The following B3GALT1 variants were observed in gnomAD, a reference collection of about 807,000 sequenced individuals.
B3GALT1 encodes the protein UDP-Gal:betaGlcNAc beta 1,3-galactosyltransferase, polypeptide 1.
Under a neutral mutation model 23.2 loss-of-function variants are expected in B3GALT1, and 10 were observed. The observed-to-expected ratio is 0.43, with a 90% CI of 0.27 to 0.73. The LOEUF (loss-of-function observed/expected upper bound fraction) is 0.73. Among genes scored for constraint, B3GALT1 ranks in the 30% least tolerant of loss-of-function variants. The pLI is 0.21. For missense variants in B3GALT1, 299 were observed against 405.4 expected (o/e 0.74, Z 2.25); for synonymous variants, 156 against 141.5 (o/e 1.10, Z -0.73).
At chr2:167,732,220 A>C (rs139101838) in intron 3 of B3GALT1, among the ~76,000 whole-genome samples, 1 of 152,352 alleles carries the variant, frequency 6.6e-6, no homozygotes, top group African/African-American at 2.4e-5. Context: ...CAAAATTAGA[A>C]TACATTAAGA....
intron 4 of B3GALT1, among the ~76,000 whole-genome samples, chr2:167,841,223 GAAAA>G (rs902997742): frequency 5.1e-5 from 6 of 118,568 alleles, no homozygotes; most frequent in African/African-American, 1.5e-4. Flanking sequence ...TCACCACAAA[GAAAA>G]AAAAAAAAAA....
intron 3 of B3GALT1, among the ~76,000 whole-genome samples, chr2:167,736,596 C>T (rs1687495637): frequency 6.6e-6 from 1 of 152,124 alleles, no homozygotes; most frequent in Non-Finnish European, 1.5e-5. Context: ...GATGTTAGGA[C>T]TCCCAGTAGA....
At chr2:167,763,069 C>T (rs1340165560) in intron 3 of B3GALT1, among the ~76,000 whole-genome samples, 1 of 152,128 alleles carries the variant, frequency 6.6e-6, no homozygotes, top group Non-Finnish European at 1.5e-5. Flanking sequence ...TTAATAAATA[C>T]TCCGTAAGTG....
intron 2 of B3GALT1, among the ~76,000 whole-genome samples, chr2:167,591,461 T>C (rs1433276125): frequency 6.6e-6 from 1 of 151,912 alleles, no homozygotes; most frequent in Non-Finnish European, 1.5e-5. Context: ...TTTACTTTAA[T>C]TAATTTATTT....
At chr2:167,818,421 C>T (rs951028567) in intron 3 of B3GALT1, among the ~76,000 whole-genome samples, 2 of 152,164 alleles carry the variant, frequency 1.3e-5, no homozygotes, top group Non-Finnish European at 2.9e-5. Flanking sequence ...CTCATTGATA[C>T]CACCTGCATG....
At chr2:167,668,682 C>T (rs1686261000) in intron 3 of B3GALT1, among the ~76,000 whole-genome samples, 1 of 152,092 alleles carries the variant, frequency 6.6e-6, no homozygotes, top group African/African-American at 2.4e-5. Context: ...ATCGGAAAAG[C>T]AGTCTTCGGG....
At chr2:167,574,648 A>G (rs1330751172) in intron 2 of B3GALT1, among the ~76,000 whole-genome samples, 1 of 151,696 alleles carries the variant, frequency 6.6e-6, no homozygotes, top group Non-Finnish European at 1.5e-5. Flanking sequence ...CTCAAATTAT[A>G]CCATGTTTGA....
intron 2 of B3GALT1, among the ~76,000 whole-genome samples, chr2:167,520,011 C>T (rs1255187712): frequency 6.7e-6 from 1 of 150,326 alleles, no homozygotes; most frequent in Admixed American, 6.7e-5. Context: ...TGCCACTGCA[C>T]TGCAGCCTAG....
At chr2:167,835,718 G>GCAGA (rs1689450390) in intron 4 of B3GALT1, among the ~76,000 whole-genome samples, 1 of 152,238 alleles carries the variant, frequency 6.6e-6, no homozygotes, top group African/African-American at 2.4e-5. Context: ...CTGAGAACGG[G>GCAGA]CAGACTGCCT....
intron 1 of B3GALT1, among the ~76,000 whole-genome samples, chr2:167,328,852 A>C (rs1370246888): frequency 2.6e-5 from 4 of 151,888 alleles, no homozygotes; most frequent in Non-Finnish European, 5.9e-5. Flanking sequence ...CTCACTTGTC[A>C]CCCAGGCTGA....
intron 2 of B3GALT1, among the ~76,000 whole-genome samples, chr2:167,528,906 T>A (rs979590234): frequency 6.6e-6 from 1 of 152,154 alleles, no homozygotes. Flanking sequence ...GCTTCTGGCT[T>A]CTCTGCTCCC....
At chr2:167,379,478 T>C (rs1432538717) in intron 1 of B3GALT1, among the ~76,000 whole-genome samples, 2 of 152,128 alleles carry the variant, frequency 1.3e-5, no homozygotes, top group Non-Finnish European at 2.9e-5. Context: ...GAGATTGCTG[T>C]GTAGGGTTTT....
At chr2:167,459,768 G>A (rs1001021864) in intron 1 of B3GALT1, among the ~76,000 whole-genome samples, 10 of 152,210 alleles carry the variant, frequency 6.6e-5, no homozygotes, top group Non-Finnish European at 1.2e-4. Context: ...TCCCTTGAAC[G>A]TTTCTTGCAG....
intron 3 of B3GALT1, among the ~76,000 whole-genome samples, chr2:167,698,678 A>T (rs1329095731): frequency 6.6e-6 from 1 of 152,248 alleles, no homozygotes; most frequent in Non-Finnish European, 1.5e-5. Flanking sequence ...CAAGACTTTG[A>T]CAAGTTTGTT....
At chr2:167,335,928 T>C (rs1697052226) in intron 1 of B3GALT1, among the ~76,000 whole-genome samples, 1 of 152,256 alleles carries the variant, frequency 6.6e-6, no homozygotes, top group East Asian at 1.9e-4. Context: ...GGAATTCCTC[T>C]GGTTCAGATG....
chr2:167,420,186 A>T (rs967738284), intron 1 of B3GALT1, among the ~76,000 whole-genome samples: 1 of 152,198 alleles, frequency 6.6e-6, no homozygotes, highest in Non-Finnish European at 1.5e-5. Flanking sequence ...ACTTCTGTGC[A>T]TTGGCATCAG....
chr2:167,454,196 A>AGTGTGTGTGTGTGTGTGTGTGTGT (rs35747652), intron 1 of B3GALT1, among the ~76,000 whole-genome samples: 3 of 152,056 alleles, frequency 2.0e-5, no homozygotes, highest in African/African-American at 7.2e-5. Context: ...ATAACAGGAA[A>AGTGTGTGTGTGTGTGTGTGTGTGT]GTGTGTGTGT....
intron 3 of B3GALT1, chr2:167,715,641 C>G: frequency 6.2e-7 from 1 of 1,613,830 alleles, no homozygotes; most frequent in Non-Finnish European, 8.5e-7. Flanking sequence ...ATTTCATCCT[C>G]AAGTTCAGAA....
intron 3 of B3GALT1, among the ~76,000 whole-genome samples, chr2:167,677,805 G>C (rs1319188015): frequency 6.6e-6 from 1 of 152,100 alleles, no homozygotes; most frequent in African/African-American, 2.4e-5. Flanking sequence ...TGCATGGCTT[G>C]GGAGGCCTCA....
Sources: allele counts gnomAD v4.1 joint callset (sites outside exome capture counted in the v4.1 genomes callset), GRCh38; gene constraint gnomAD v4.1.1; transcripts MANE v1.5; gene names NCBI Gene and HGNC (gene_info 2026-07-23, HGNC 2026-07-21).